Variants in CORIN observed in about 807,000 individuals in gnomAD.
CORIN encodes corin, serine peptidase, also known as atrial natriuretic peptide-converting enzyme.
Under a neutral mutation model 125.3 loss-of-function variants are expected in CORIN, and 117 were observed. The observed-to-expected ratio is 0.93, with a 90% CI of 0.80 to 1.09. The LOEUF is 1.09. Among genes scored for constraint, CORIN ranks in the 50% least tolerant of loss-of-function variants. The probability of loss-of-function intolerance (pLI) is 0.00; values close to 1 mark genes in which losing one functional copy is unlikely to be tolerated. For missense variants in CORIN, 1,253 were observed against 1,306.7 expected (o/e 0.96, Z 0.63); for synonymous variants, 450 against 466.4 (o/e 0.96, Z 0.45).
intron 4 of CORIN, among the ~76,000 whole-genome samples, chr4:47,754,506 A>G (rs1055944658): frequency 6.6e-6 from 1 of 152,152 alleles, no homozygotes; most frequent in Non-Finnish European, 1.5e-5. Flanking sequence ...ATATGAAAGT[A>G]TTTAATTCCT....
intron 4 of CORIN, among the ~76,000 whole-genome samples, chr4:47,748,488 C>T (rs892302923): frequency 6.6e-6 from 1 of 152,174 alleles, no homozygotes; most frequent in Non-Finnish European, 1.5e-5. Context: ...TATACCTCCT[C>T]TATAATTATT....
rs189498495 is a variant in CORIN, at chr4:47,617,422, A to G, written c.2540+6149T>C. ...GCTCCAAGTTTCTGAAAGCCCCCCA[A>G]AACAATGGGATTGCACGTTAGGCCA... On this transcript the variant is annotated intron_variant, in intron 19 of 21. Coordinates refer to ENST00000273857, the MANE Select transcript of CORIN (RefSeq NM_006587.4). Among the ~76,000 whole-genome samples the G allele has an allele frequency of 1.3e-4, 20 of 152,318 alleles. No individual in the cohort carries two copies. In the East Asian group the frequency reaches 3.7e-3, roughly 28 times the overall value.
At chr4:47,731,868 CAAA>C (rs34287451) in intron 5 of CORIN, among the ~76,000 whole-genome samples, 1 of 133,370 alleles carries the variant, frequency 7.5e-6, no homozygotes. Flanking sequence ...GACTCCATCT[CAAA>C]AAAAAAAAAG....
chr4:47,665,193 A>C lies in CORIN; in HGVS notation c.1428T>G (p.Tyr476Ter), dbSNP rs1724426409. Residue 476 changes from tyrosine to a stop codon, truncating the protein, a stop_gained, in exon 11 of 22, where the codon TAT becomes TAG. Transcript: ENST00000273857. LOFTEE classifies it high-confidence loss of function. Reference protein sequence around the residue: ...LPYNSTSYPNYFGHRTQKEAS... With the variant: ...LPYNSTSYPN ...CTTCCTTTTGAGTCCTGTGGCCAAA[A>C]TAATTTGGATAACTTGTACTGTTGT... The C allele has an allele frequency of 3.1e-6, 5 of 1,614,042 alleles. No individual in the cohort carries two copies. The Middle Eastern group carries it at 5.0e-4, about 160-fold the overall frequency.
chr4:47,667,734 T>C (rs6815552), intron 10 of CORIN, among the ~76,000 whole-genome samples: 20,881 of 152,196 alleles, frequency 0.14, 1,877 homozygotes, highest in East Asian at 0.44. Context: ...ACTGAAAGGC[T>C]GGCATAATCT....
chr4:47,751,451 T>C (rs1256997684), intron 4 of CORIN, among the ~76,000 whole-genome samples: 1 of 152,160 alleles, frequency 6.6e-6, no homozygotes, highest in Non-Finnish European at 1.5e-5. Flanking sequence ...TCAAATCCAT[T>C]TTCCCTTCTC....
At chr4:47,824,069 G>A (rs1054254500) in intron 1 of CORIN, among the ~76,000 whole-genome samples, 1 of 151,356 alleles carries the variant, frequency 6.6e-6, no homozygotes, top group South Asian at 2.1e-4. Context: ...GCAAGGAATA[G>A]GAAAATCCAA....
chr4:47,649,254 A>G (rs1229006896), intron 13 of CORIN, among the ~76,000 whole-genome samples: 1 of 152,174 alleles, frequency 6.6e-6, no homozygotes, highest in Non-Finnish European at 1.5e-5. Context: ...TCTAATCCTA[A>G]AAAGAGAGAA....
At chr4:47,709,352 G>A (rs545266945) in intron 5 of CORIN, among the ~76,000 whole-genome samples, 6 of 152,064 alleles carry the variant, frequency 3.9e-5, no homozygotes, top group African/African-American at 1.2e-4. Flanking sequence ...TGAGTGCAGT[G>A]GCACAATCTT....
At position 47,809,261 on chromosome 4, in the gene CORIN, A is replaced by T. The variant is rs190424114; in HGVS notation, c.64-2214T>A. ...CAGATACATCTCATTTAGCATTTATAAGTAAAGAGTCAGTGGAGAAAATGC... is the reference window on the plus strand; with the variant it reads ...CAGATACATCTCATTTAGCATTTATTAGTAAAGAGTCAGTGGAGAAAATGC... On this transcript the variant is annotated intron_variant, in intron 1 of 21. Transcript: ENST00000273857. 2.6e-5 allele frequency among the ~76,000 whole-genome samples: 4 copies of T among 152,290 alleles called. No individual in the cohort carries two copies. The East Asian group carries it at 7.7e-4, about 29-fold the overall frequency.
chr4:47,735,926 G>A (rs1462223681), intron 5 of CORIN, among the ~76,000 whole-genome samples: 3 of 134,842 alleles, frequency 2.2e-5, no homozygotes, highest in African/African-American at 5.7e-5. Context: ...CAGCCTGGGC[G>A]ACAGAGACTC....
chr4:47,614,541 C>A (rs1176093380), intron 19 of CORIN, among the ~76,000 whole-genome samples: 1 of 152,174 alleles, frequency 6.6e-6, no homozygotes, highest in East Asian at 1.9e-4. Context: ...AATCTTCAGA[C>A]AATACCCAGA....
chr4:47,746,120 A>G (rs191996128), intron 4 of CORIN, among the ~76,000 whole-genome samples: 3 of 152,362 alleles, frequency 2.0e-5, no homozygotes, highest in Admixed American at 6.5e-5. Flanking sequence ...GGACTAAGAA[A>G]GGATCACTTA....
intron 19 of CORIN, among the ~76,000 whole-genome samples, chr4:47,622,555 G>A (rs1722364569): frequency 6.6e-6 from 1 of 151,864 alleles, no homozygotes; most frequent in South Asian, 2.1e-4. Context: ...ACTGGTGTGA[G>A]ATGGTATCTC....
At chr4:47,735,302 GA>G (rs917568831) in intron 5 of CORIN, among the ~76,000 whole-genome samples, 7 of 152,062 alleles carry the variant, frequency 4.6e-5, no homozygotes, top group African/African-American at 1.7e-4. Context: ...TAAAGCAAGA[GA>G]CAGAATACTT....
Position 47,595,840 on chromosome 4 carries a change from T to C in CORIN, c.3010A>G (p.Thr1004Ala). The stretch of plus-strand genomic sequence containing the variant: ...GAAAAGCAGACGGAGCCCCATGAAG[T>C]TAATCCAAATAATGTCCACCGTCCT... ...PGGRWTLFGL[T>A]SWGSVCFSKV... Residue 1004 changes from threonine (T) to alanine (A), a missense_variant, in exon 22 of 22, where the codon ACT becomes GCT. Thr to Ala is a moderately conservative substitution (Grantham distance 58). Transcript: ENST00000273857. The C allele has an allele frequency of 6.2e-7, 1 of 1,613,750 alleles. No individual in the cohort carries two copies. The highest frequency in any genetic ancestry group is 8.5e-7 in the Non-Finnish European group (1 of 1,179,828).
chr4:47,737,432 T>C (rs976300079), intron 5 of CORIN, among the ~76,000 whole-genome samples: 17 of 152,050 alleles, frequency 1.1e-4, no homozygotes, highest in African/African-American at 4.1e-4. Flanking sequence ...TGAAGAGATC[T>C]GCCTCACTCA....
chr4:47,742,778 G>T (rs1027561814), intron 5 of CORIN, among the ~76,000 whole-genome samples: 3 of 151,872 alleles, frequency 2.0e-5, no homozygotes, highest in Admixed American at 2.0e-4. Flanking sequence ...TACATTAAAC[G>T]CAAAGGGCCA....
chr4:47,707,729 A>G (rs997423048), intron 5 of CORIN, among the ~76,000 whole-genome samples: 1 of 152,162 alleles, frequency 6.6e-6, no homozygotes, highest in Non-Finnish European at 1.5e-5. Flanking sequence ...GGTGGCATCT[A>G]AAGAATGGGG....
Sources: gnomAD v4.1 joint callset for allele counts (sites outside exome capture counted in the v4.1 genomes callset) on GRCh38, gnomAD v4.1.1 for gene constraint, MANE v1.5 for transcripts, NCBI Gene and HGNC (gene_info 2026-07-23, HGNC 2026-07-21) for gene names.